The following ATP2B1 variants were observed in gnomAD, a reference collection of about 807,000 sequenced individuals.
ATP2B1 encodes the protein ATPase plasma membrane Ca2+ transporting 1, also known as plasma membrane calcium-transporting ATPase 1.
ATP2B1 carries 14 observed loss-of-function variants against 124.2 expected under a neutral mutation model. The ratio of observed to expected loss-of-function variants is 0.11; its 90% CI spans 0.07 to 0.18. The LOEUF (loss-of-function observed/expected upper bound fraction) is 0.18, where lower values mean the gene tolerates loss of function less well. ATP2B1 is among the 10% of genes least tolerant of loss of function. ATP2B1 has a pLI of 1.00. For missense variants in ATP2B1, 763 were observed against 1,466.1 expected (o/e 0.52, Z 7.83); for synonymous variants, 449 against 492.4 (o/e 0.91, Z 1.17).
At chr12:89,599,958 C>T (rs915807911) in intron 19 of ATP2B1, among the ~76,000 whole-genome samples, 8 of 152,162 alleles carry the variant, frequency 5.3e-5, no homozygotes, top group Admixed American at 4.6e-4. Flanking sequence ...ATGTAGTCAG[C>T]TACAGAATTC....
intron 13 of ATP2B1, chr12:89,610,829 T>G (rs1877873318): frequency 5.9e-6 from 2 of 336,258 alleles, no homozygotes; most frequent in East Asian, 1.1e-4. Flanking sequence ...AAAATAGAAC[T>G]TCCTTAATTT....
intron 5 of ATP2B1, 36 bp from the exon 6 acceptor site, chr12:89,630,681 TGATA>T: frequency 7.1e-7 from 1 of 1,401,156 alleles, no homozygotes; most frequent in South Asian, 1.9e-5. Context: ...TTAAAAATAC[TGATA>T]GATCTCCTTG....
At position 89,627,723 on chromosome 12, in the gene ATP2B1, G is replaced by A. The variant is rs747998296; in HGVS notation, c.929-7C>T. On this transcript the variant is annotated splice_polypyrimidine_tract_variant and splice_region_variant and intron_variant, in intron 6 of 20. Transcript: ENST00000428670. ...GCTCCATCTTGTTTCTTATCTGTAG[G>A]AACAAAATGGGAATTAAAGCTTTCC... The A allele has an allele frequency of 1.2e-6, 2 of 1,613,252 alleles. No homozygotes were observed. Among genetic ancestry groups the A allele is most frequent in the South Asian group, 2.2e-5 (2 of 90,990 alleles).
chr12:89,605,354 A>T (rs1876625804), intron 15 of ATP2B1, among the ~76,000 whole-genome samples: 1 of 152,186 alleles, frequency 6.6e-6, no homozygotes, highest in Non-Finnish European at 1.5e-5. Context: ...GATATGATGA[A>T]GGCTCTGCCC....
chr12:89,671,931 A>G (rs1888046633), intron 1 of ATP2B1, among the ~76,000 whole-genome samples: 7 of 152,176 alleles, frequency 4.6e-5, no homozygotes, highest in Admixed American at 4.6e-4. Flanking sequence ...GTAAACTACT[A>G]AGAAATGCAA....
chr12:89,657,335 C>T (rs1886082588), intron 1 of ATP2B1, among the ~76,000 whole-genome samples: 1 of 152,182 alleles, frequency 6.6e-6, no homozygotes, highest in African/African-American at 2.4e-5. Flanking sequence ...CTCACACATA[C>T]AATGCCCTAA....
chr12:89,629,466 G>T (rs1452725403), intron 6 of ATP2B1, among the ~76,000 whole-genome samples: 1 of 152,142 alleles, frequency 6.6e-6, no homozygotes, highest in Non-Finnish European at 1.5e-5. Context: ...ACTGCTTCAA[G>T]GAGGACATAG....
At chr12:89,626,074 A>G (rs778460852) in intron 8 of ATP2B1, among the ~76,000 whole-genome samples, 3 of 152,230 alleles carry the variant, frequency 2.0e-5, no homozygotes, top group Non-Finnish European at 2.9e-5. Flanking sequence ...CATTAGAGAC[A>G]TAACTAAAAA....
rs773803831 is a variant in ATP2B1, at chr12:89,603,042, C to T, written c.3060+1G>A. 2 of 1,613,044 alleles carry T rather than the reference C, an allele frequency of 1.2e-6. No homozygotes were observed. The highest frequency in any genetic ancestry group is 8.5e-7 in the Non-Finnish European group (1 of 1,179,362). On this transcript the variant is annotated splice_donor_variant, in intron 18 of 20. Coordinates refer to ENST00000428670, the MANE Select transcript of ATP2B1 (RefSeq NM_001366521.1). LOFTEE classifies it high-confidence loss of function. The surrounding 1 kb of genome is among the most constrained non-coding windows in gnomAD (Gnocchi z 4.3). ...TGAAACTATCTTTTCCAATTACCCACCTGTACCACAAAAGTGCCTAAAACA... is the reference window on the plus strand; with the variant it reads ...TGAAACTATCTTTTCCAATTACCCATCTGTACCACAAAAGTGCCTAAAACA...
Position 89,635,347 on chromosome 12 carries a change from T to C in ATP2B1, c.407-96A>G, listed in dbSNP as rs573153437. The C allele has an allele frequency of 1.3e-5, 17 of 1,343,186 alleles. No homozygotes were observed. The Admixed American group carries it at 2.6e-4, about 21-fold the overall frequency. The allele number at this position is 1,343,186 out of a possible 1,614,324, so 83.2% of individuals were successfully genotyped here. The stretch of plus-strand genomic sequence containing the variant: ...AAATCATATTTTTGTGTTAATTATG[T>C]TTATCAATTTTACTTATAGCAATAA... On this transcript the variant is annotated intron_variant, in intron 3 of 20. Coordinates refer to ENST00000428670, the MANE Select transcript of ATP2B1 (RefSeq NM_001366521.1).
At chr12:89,615,392 G>A (rs1430655417) in intron 12 of ATP2B1, among the ~76,000 whole-genome samples, 1 of 151,932 alleles carries the variant, frequency 6.6e-6, no homozygotes, top group Non-Finnish European at 1.5e-5. Flanking sequence ...TATGAGAACA[G>A]GGACCAAGTC....
intron 1 of ATP2B1, among the ~76,000 whole-genome samples, chr12:89,662,294 GA>G (rs1886806557): frequency 6.6e-6 from 1 of 151,996 alleles, no homozygotes; most frequent in Admixed American, 6.6e-5. Flanking sequence ...CTTCAACCAT[GA>G]TAATTTACTG....
At chr12:89,599,961 C>T (rs1875471268) in intron 19 of ATP2B1, among the ~76,000 whole-genome samples, 1 of 152,138 alleles carries the variant, frequency 6.6e-6, no homozygotes, top group African/African-American at 2.4e-5. Context: ...TAGTCAGCTA[C>T]AGAATTCTGC....
intron 1 of ATP2B1, among the ~76,000 whole-genome samples, chr12:89,699,288 T>G (rs910599487): frequency 3.3e-5 from 5 of 152,252 alleles, no homozygotes; most frequent in African/African-American, 1.2e-4. Context: ...CATTTTAGTA[T>G]ATGTTTGGCA....
At position 89,695,058 on chromosome 12, in the gene ATP2B1, C is replaced by CAAAA. The variant is rs544087541; in HGVS notation, c.-222+13534_-222+13537dup. 1.4e-4 allele frequency among the ~76,000 whole-genome samples: 16 copies of CAAAA among 111,192 alleles called. 2 individuals are homozygous for CAAAA. The highest frequency in any genetic ancestry group is 2.0e-4 in the Admixed American group (2 of 10,054). 72.9% of individuals were successfully genotyped at this position (111,192 alleles called of 152,430 possible). ...GGGCGACAAGAGCAAGATGCTGTTTCAAAAAAAAAAAAAGAAAAGAATTAT... is the reference window on the plus strand; with the variant it reads ...GGGCGACAAGAGCAAGATGCTGTTTCAAAAAAAAAAAAAAAAAGAAAAGAATTAT... On this transcript the variant is annotated intron_variant, in intron 1 of 20. Transcript: ENST00000428670.
At position 89,634,799 on chromosome 12, in the gene ATP2B1, T is replaced by C. The variant is rs1882432064; in HGVS notation, c.766A>G (p.Lys256Glu). The change falls in exon 5 of 21, where the codon AAG (lysine) becomes GAG (glutamate). Residue 256 changes from lysine (K) to glutamate (E), a missense_variant. Transcript: ENST00000428670. ...ESDHVKKSLD[K>E]DPLLLSGTHV... ...TTACCTGATAGAAGTAAGGGATCCT[T>C]ATCTAAAGACTTTTTAACATGATCT... 1 of 1,600,436 alleles carries C rather than the reference T, an allele frequency of 6.2e-7. No homozygotes were observed. The highest frequency in any genetic ancestry group is 8.5e-7 in the Non-Finnish European group (1 of 1,175,432).
At chr12:89,591,498 T>A (rs1250086236) in intron 20 of ATP2B1, among the ~76,000 whole-genome samples, 1 of 149,618 alleles carries the variant, frequency 6.7e-6, no homozygotes, top group Non-Finnish European at 1.5e-5. Flanking sequence ...CTCTAAGAAT[T>A]AAGAGGTAAA....
chr12:89,622,945 G>A (rs1004319350), intron 9 of ATP2B1, among the ~76,000 whole-genome samples: 2 of 152,086 alleles, frequency 1.3e-5, no homozygotes, highest in African/African-American at 4.8e-5. Flanking sequence ...ATGAACTAAT[G>A]GCAGTTCGGT....
chr12:89,708,386 C>T (rs866912980), intron 1 of ATP2B1, among the ~76,000 whole-genome samples: 109 of 152,274 alleles, frequency 7.2e-4, no homozygotes, highest in Middle Eastern at 6.8e-3. Flanking sequence ...GGCGAGAAGC[C>T]CGCTCACCTT....
Sources: allele counts gnomAD v4.1 joint callset (sites outside exome capture counted in the v4.1 genomes callset), GRCh38; gene constraint gnomAD v4.1.1; non-coding constraint Gnocchi (gnomAD v3.1); transcripts MANE v1.5; gene names NCBI Gene and HGNC (gene_info 2026-07-23, HGNC 2026-07-21).